Variants in FBXO38 observed in about 807,000 individuals in gnomAD.
The protein encoded by FBXO38 is F-box only protein 38.
In FBXO38, 53 loss-of-function variants were observed where a neutral mutation model predicts 131.9. The ratio of observed to expected loss-of-function variants is 0.40; its 90% confidence interval spans 0.32 to 0.51. FBXO38 has a LOEUF of 0.51. Among genes scored for constraint, FBXO38 ranks in the 20% least tolerant of loss-of-function variants. The pLI is 0.53. For missense variants in FBXO38, 1,076 were observed against 1,475.6 expected, an observed-to-expected ratio of 0.73 and a Z score of 4.44; for synonymous variants, 452 against 505.6, an observed-to-expected ratio of 0.89 and a Z score of 1.42.
Position 148,442,452 on chromosome 5 carries a change from T to A in FBXO38, c.*305T>A, listed in dbSNP as rs1243473945. The A allele has an allele frequency of 5.2e-6, 1 of 190,878 alleles. No individual in the cohort carries two copies. The highest frequency in any genetic ancestry group is 1.1e-5 in the Non-Finnish European group (1 of 93,804). The allele number at this position is 190,878 out of a possible 1,614,324, so 11.8% of individuals were successfully genotyped here. ...CTTGACTTAATTCATGAAGTATCAT[T>A]TTTTGACTGAGTCTCCATTTACTTC... On this transcript the variant is annotated 3_prime_UTR_variant, in exon 22 of 22. Transcript: ENST00000340253.
At chr5:148,437,685 C>A (rs1343434451) in intron 17 of FBXO38, among the ~76,000 whole-genome samples, 1 of 152,054 alleles carries the variant, frequency 6.6e-6, no homozygotes, top group African/African-American at 2.4e-5. Flanking sequence ...TATACTAGTT[C>A]AGTTAAATGT....
At chr5:148,400,571 A>G (rs1364637317) in intron 3 of FBXO38, among the ~76,000 whole-genome samples, 1 of 152,152 alleles carries the variant, frequency 6.6e-6, no homozygotes, top group Non-Finnish European at 1.5e-5. Flanking sequence ...CTAGCCTAGG[A>G]TAAGATCACA....
At chr5:148,414,113 T>C in intron 9 of FBXO38, 23 bp from the exon 10 acceptor site, 1 of 1,580,144 alleles carries the variant, frequency 6.3e-7, no homozygotes, top group Non-Finnish European at 8.5e-7. Flanking sequence ...CTTTTTTTTT[T>C]TTTAATTGAT....
At chr5:148,426,040 C>T (rs377619868) in intron 14 of FBXO38, among the ~76,000 whole-genome samples, 1 of 152,184 alleles carries the variant, frequency 6.6e-6, no homozygotes, top group Non-Finnish European at 1.5e-5. Flanking sequence ...CAATGAAAAG[C>T]AACCATTCCC....
At chr5:148,384,176 GC>G (rs1246144504) in intron 1 of FBXO38, 137 bp downstream of exon 1, 1 of 152,490 alleles carries the variant, frequency 6.6e-6, no homozygotes, top group African/African-American at 2.4e-5. Flanking sequence ...CCCCCTTGGG[GC>G]CTAGAGCTCC....
intron 6 of FBXO38, 43 bp downstream of exon 6, chr5:148,404,865 T>C: frequency 1.9e-6 from 3 of 1,540,958 alleles, no homozygotes; most frequent in South Asian, 1.3e-5. Context: ...TAAGTTATTC[T>C]AAAAATATCC....
At chr5:148,431,719 A>C (rs1043096452) in intron 15 of FBXO38, among the ~76,000 whole-genome samples, 3 of 152,172 alleles carry the variant, frequency 2.0e-5, no homozygotes, top group African/African-American at 7.2e-5. Context: ...GTTTCATGTC[A>C]ATGAAGATTG....
intron 15 of FBXO38, among the ~76,000 whole-genome samples, chr5:148,429,828 A>T (rs1350001822): frequency 6.6e-6 from 1 of 151,862 alleles, no homozygotes; most frequent in Non-Finnish European, 1.5e-5. Flanking sequence ...TAACTATTTT[A>T]TTCTTTTTTC....
At chr5:148,431,777 C>T (rs975069671) in intron 15 of FBXO38, among the ~76,000 whole-genome samples, 8 of 152,158 alleles carry the variant, frequency 5.3e-5, no homozygotes, top group Non-Finnish European at 8.8e-5. Flanking sequence ...AGAAGGCCTA[C>T]GTTGTGTTGT....
At chr5:148,433,812 A>ATGC in intron 17 of FBXO38, 75 bp downstream of exon 17, 1 of 744,038 alleles carries the variant, frequency 1.3e-6, no homozygotes. Context: ...AAATACTGTA[A>ATGC]TAGCATTACT....
chr5:148,398,868 C>T, intron 2 of FBXO38, 131 bp from the exon 3 acceptor site: 2 of 1,043,830 alleles, frequency 1.9e-6, no homozygotes, highest in Non-Finnish European at 2.8e-6. Flanking sequence ...TGTGTGGTAG[C>T]TTTAAATCTC....
At chr5:148,424,547 A>G (rs1049722275) in intron 13 of FBXO38, among the ~76,000 whole-genome samples, 4 of 152,188 alleles carry the variant, frequency 2.6e-5, no homozygotes, top group Non-Finnish European at 2.9e-5. Flanking sequence ...CTGACTTAAG[A>G]CAGGATATAG....
At chr5:148,435,379 C>G (rs1581302241) in intron 17 of FBXO38, among the ~76,000 whole-genome samples, 2 of 152,246 alleles carry the variant, frequency 1.3e-5, no homozygotes, top group African/African-American at 4.8e-5. Context: ...TTGGTGTTCA[C>G]AACTTGGCTA....
intron 12 of FBXO38, among the ~76,000 whole-genome samples, chr5:148,421,888 A>G (rs1753456870): frequency 6.6e-6 from 1 of 152,180 alleles, no homozygotes; most frequent in African/African-American, 2.4e-5. Flanking sequence ...TAATTACCAG[A>G]GACTAAAATC....
At position 148,431,075 on chromosome 5, in the gene FBXO38, G is replaced by C. The variant is rs1012964787; in HGVS notation, c.2654-2349G>C. ...TGTCTTCCTTTCCAGTAGACTGTGA[G>C]CTCCATGAGGACAAGGACAGTCTCT... On this transcript the variant is annotated intron_variant, in intron 15 of 21. Transcript: ENST00000340253. 4.6e-5 allele frequency among the ~76,000 whole-genome samples: 7 copies of C among 152,284 alleles called. No individual in the cohort carries two copies. In the South Asian group the frequency reaches 6.2e-4, roughly 14 times the overall value.
At chr5:148,435,686 C>T (rs970867038) in intron 17 of FBXO38, among the ~76,000 whole-genome samples, 15 of 152,166 alleles carry the variant, frequency 9.9e-5, no homozygotes, top group Non-Finnish European at 1.9e-4. Flanking sequence ...AGGAGAATGG[C>T]ATGAACCCGG....
intron 12 of FBXO38, 146 bp downstream of exon 12, chr5:148,417,350 T>A: frequency 1.5e-6 from 1 of 651,518 alleles, no homozygotes; most frequent in Non-Finnish European, 2.7e-6. Context: ...CATGAGGGAG[T>A]AGGTGAAATT....
chr5:148,441,840 T>A, intron 21 of FBXO38, 129 bp from the exon 22 acceptor site: 1 of 651,592 alleles, frequency 1.5e-6, no homozygotes, highest in Non-Finnish European at 2.4e-6. Flanking sequence ...GACCCATTCC[T>A]TGACCTATTC....
chr5:148,384,886 C>T (rs1757829348), intron 1 of FBXO38: 1 of 152,160 alleles, frequency 6.6e-6, no homozygotes, highest in Admixed American at 6.5e-5. Context: ...AACAGGAGAC[C>T]TTGATTTTTG....
Sources: allele counts gnomAD v4.1 joint callset (sites outside exome capture counted in the v4.1 genomes callset), GRCh38; gene constraint gnomAD v4.1.1; transcripts MANE v1.5; gene names NCBI Gene and HGNC (gene_info 2026-07-23, HGNC 2026-07-21).